ASTN2: variants seen among roughly 807,000 people sequenced by gnomAD.
ASTN2 encodes astrotactin 2.
In ASTN2, 54 loss-of-function variants were observed where a neutral mutation model predicts 139.8. The ratio of observed to expected loss-of-function variants is 0.39; its 90% CI spans 0.31 to 0.48. ASTN2 has a LOEUF of 0.48. ASTN2 is among the 20% of genes least tolerant of loss of function. The pLI, the probability that ASTN2 is intolerant of heterozygous loss-of-function variation, is 0.95. For missense variants in ASTN2, 1,565 were observed against 1,725.1 expected, an observed-to-expected ratio of 0.91 and a Z score of 1.64; for synonymous variants, 756 against 719.5, an observed-to-expected ratio of 1.05 and a Z score of -0.81.
intron 16 of ASTN2, among the ~76,000 whole-genome samples, chr9:116,701,501 C>T (rs1861167877): frequency 6.6e-6 from 1 of 152,174 alleles, no homozygotes; most frequent in African/African-American, 2.4e-5. Context: ...GGGGGACTTG[C>T]TGAGGCAATA....
chr9:117,074,697 C>G (rs1828232405), intron 5 of ASTN2, among the ~76,000 whole-genome samples: 1 of 152,060 alleles, frequency 6.6e-6, no homozygotes, highest in Admixed American at 6.6e-5. Flanking sequence ...GTGCAGGGTG[C>G]CAAGAACTAT....
intron 10 of ASTN2, among the ~76,000 whole-genome samples, chr9:116,876,530 A>G (rs1833304136): frequency 6.6e-6 from 1 of 152,242 alleles, no homozygotes; most frequent in Admixed American, 6.5e-5. Context: ...ATCAGACTAC[A>G]TCACATCCTA....
intron 10 of ASTN2, among the ~76,000 whole-genome samples, chr9:116,951,711 A>G (rs1835569796): frequency 6.6e-6 from 1 of 152,194 alleles, no homozygotes; most frequent in Admixed American, 6.5e-5. Context: ...ATCTGTAAGC[A>G]TGCAATCACC....
At chr9:117,258,305 G>A (rs574515979) in intron 2 of ASTN2, among the ~76,000 whole-genome samples, 62 of 152,246 alleles carry the variant, frequency 4.1e-4, no homozygotes, top group Admixed American at 2.7e-3. Context: ...ATTAATGTAG[G>A]CCAAGTGCTT....
At chr9:116,507,668 C>T (rs1850169556) in intron 19 of ASTN2, among the ~76,000 whole-genome samples, 1 of 152,082 alleles carries the variant, frequency 6.6e-6, no homozygotes, top group African/African-American at 2.4e-5. Flanking sequence ...AGATTCACTC[C>T]TCTCTTATTG....
chr9:116,562,696 AC>A (rs1852976750), intron 19 of ASTN2, among the ~76,000 whole-genome samples: 1 of 145,326 alleles, frequency 6.9e-6, no homozygotes, highest in Non-Finnish European at 1.5e-5. Flanking sequence ...ATGCCATTGC[AC>A]TGCAGCCTGG....
rs59834953 is a variant in ASTN2 at position 116,880,327 on chromosome 9, A to G, written c.1890-16594T>C. 7.7e-3 allele frequency among the ~76,000 whole-genome samples: 1,180 copies of G among 152,262 alleles called. 13 individuals are homozygous for G. Among genetic ancestry groups the G allele is most frequent in the African/African-American group, 0.027 (1,137 of 41,532 alleles). On this transcript the variant is annotated intron_variant, in intron 10 of 22. Coordinates refer to ENST00000313400, the MANE Select transcript of ASTN2 (RefSeq NM_001365068.1). ...ATTAAGAGCTGCTGCCAACAATGAC[A>G]CTTTATTGGAAAAAGCTTTTCTCTG...
chr9:117,397,890 C>A (rs1161984623), intron 1 of ASTN2, among the ~76,000 whole-genome samples: 2 of 152,140 alleles, frequency 1.3e-5, no homozygotes, highest in Non-Finnish European at 2.9e-5. Flanking sequence ...TGTCAAATGC[C>A]ATGCCAGAGA....
chr9:116,998,109 G>A (rs777795320), intron 7 of ASTN2, among the ~76,000 whole-genome samples: 7 of 152,162 alleles, frequency 4.6e-5, no homozygotes, highest in Non-Finnish European at 8.8e-5. Context: ...TATCTTTCAT[G>A]CCTGAATAAC....
At chr9:116,893,411 G>T (rs9695898) in intron 10 of ASTN2, among the ~76,000 whole-genome samples, 12,254 of 152,184 alleles carry the variant, frequency 0.081, 658 homozygotes, top group Non-Finnish European at 0.12. Flanking sequence ...AGCTCAGCAG[G>T]ACTGCAGGTG....
intron 19 of ASTN2, among the ~76,000 whole-genome samples, chr9:116,544,649 G>A (rs1852016214): frequency 6.6e-6 from 1 of 152,114 alleles, no homozygotes; most frequent in South Asian, 2.1e-4. Context: ...GGCATCAGAA[G>A]TTTACACTGG....
intron 3 of ASTN2, among the ~76,000 whole-genome samples, chr9:117,169,805 T>A (rs924179818): frequency 6.6e-6 from 1 of 152,084 alleles, no homozygotes; most frequent in East Asian, 1.9e-4. Flanking sequence ...TTAATTTATA[T>A]CCCAGTGAAG....
Position 116,699,426 on chromosome 9 carries a change from G to A in ASTN2, c.2806+26345C>T. On this transcript the variant is annotated intron_variant, in intron 16 of 22. Coordinates refer to ENST00000313400, the MANE Select transcript of ASTN2 (RefSeq NM_001365068.1). The surrounding 1 kb of genome is among the most constrained non-coding windows in gnomAD (Gnocchi z 4.2). ...CTCTGTAGGCCCTGATGGGCAGCTG[G>A]GTCGCCAGATTAGCCACTTCTTCTC... 1 of 1,614,116 alleles carries A rather than the reference G, an allele frequency of 6.2e-7. No individual in the cohort carries two copies.
intron 10 of ASTN2, among the ~76,000 whole-genome samples, chr9:116,881,091 C>T (rs1033133227): frequency 2.0e-5 from 3 of 152,106 alleles, no homozygotes; most frequent in Non-Finnish European, 4.4e-5. Flanking sequence ...GACAGGATGG[C>T]TGCTAGACGA....
rs10983232 is a variant in ASTN2, at chr9:116,547,820, C to T, written c.3356-60320G>A. ...GGGTCTATTTGCAGGCAGGTCAAGGCGCCCGGTTTACCTGAGCTGCCCCCC... is the reference window on the plus strand; with the variant it reads ...GGGTCTATTTGCAGGCAGGTCAAGGTGCCCGGTTTACCTGAGCTGCCCCCC... On this transcript the variant is annotated intron_variant, in intron 19 of 22. Coordinates refer to ENST00000313400, the MANE Select transcript of ASTN2 (RefSeq NM_001365068.1). 2,909 of 152,408 alleles carry T rather than the reference C, an allele frequency of 0.019. 400 individuals carry two copies. The South Asian group carries it at 0.3, about 15-fold the overall frequency. 9.4% of individuals were successfully genotyped at this position (152,408 alleles called of 1,614,324 possible).
intron 4 of ASTN2, among the ~76,000 whole-genome samples, chr9:117,126,433 G>T (rs563087999): frequency 6.6e-6 from 1 of 152,326 alleles, no homozygotes; most frequent in South Asian, 2.1e-4. Flanking sequence ...CAAAGTAAGG[G>T]TTAGAGAAAG....
chr9:117,400,671 C>CAAACACTTCTCTAT (rs1830804391), intron 1 of ASTN2, among the ~76,000 whole-genome samples: 1 of 152,080 alleles, frequency 6.6e-6, no homozygotes, highest in South Asian at 2.1e-4. Context: ...CTTCAGAGGC[C>CAAACACTTCTCTAT]CCAGAAAGGA....
chr9:117,090,213 A>G (rs908569035), intron 5 of ASTN2, among the ~76,000 whole-genome samples: 4 of 152,248 alleles, frequency 2.6e-5, no homozygotes, highest in Non-Finnish European at 5.9e-5. Context: ...GAGTAGGTCC[A>G]ACAGGGACTG....
intron 5 of ASTN2, among the ~76,000 whole-genome samples, chr9:117,041,874 G>C (rs1838583881): frequency 6.6e-6 from 1 of 152,044 alleles, no homozygotes; most frequent in Admixed American, 6.6e-5. Flanking sequence ...CACTCTTTGA[G>C]ACTCACCATA....
Sources: allele counts gnomAD v4.1 joint callset (sites outside exome capture counted in the v4.1 genomes callset), GRCh38; gene constraint gnomAD v4.1.1; non-coding constraint Gnocchi (gnomAD v3.1); transcripts MANE v1.5; gene names NCBI Gene and HGNC (gene_info 2026-07-23, HGNC 2026-07-21).